The following WDR7 variants were observed in gnomAD, a reference collection of about 807,000 sequenced individuals.
WDR7 encodes WD repeat domain 7, also known as WD repeat-containing protein 7.
In WDR7, 46 loss-of-function variants were observed where a neutral mutation model predicts 169.4. The ratio of observed to expected loss-of-function variants is 0.27; its 90% confidence interval spans 0.21 to 0.35. The LOEUF (loss-of-function observed/expected upper bound fraction) is 0.35, where lower values mean the gene tolerates loss of function less well. Ranked by LOEUF, WDR7 falls within the 10% of genes least tolerant of loss-of-function variation. The pLI is 1.00. For missense variants in WDR7, 1,534 were observed against 1,859.3 expected (o/e 0.83, Z 3.22); for synonymous variants, 612 against 666.8 (o/e 0.92, Z 1.27).
intron 27 of WDR7, 94 bp from the exon 28 acceptor site, chr18:57,026,910 A>C (rs931985715): frequency 9.4e-6 from 12 of 1,273,436 alleles, no homozygotes; most frequent in Middle Eastern, 2.8e-4. Flanking sequence ...ACCATGATGG[A>C]GGGGAAAGTA....
chr18:56,931,468 A>AT (rs1007222170), intron 22 of WDR7, among the ~76,000 whole-genome samples: 23 of 151,448 alleles, frequency 1.5e-4, no homozygotes, highest in South Asian at 4.2e-4. Flanking sequence ...AGCTTAAATG[A>AT]TTTTTTTTTC....
intron 26 of WDR7, among the ~76,000 whole-genome samples, chr18:56,971,594 A>G (rs2047486954): frequency 6.6e-6 from 1 of 152,166 alleles, no homozygotes; most frequent in Non-Finnish European, 1.5e-5. Flanking sequence ...AAGCAAGAAG[A>G]GCACTACCCC....
intron 1 of WDR7, among the ~76,000 whole-genome samples, chr18:56,671,108 A>G (rs998981982): frequency 1.3e-5 from 2 of 152,182 alleles, no homozygotes; most frequent in Non-Finnish European, 2.9e-5. Flanking sequence ...TTAATCTATT[A>G]CTATCTCAAA....
intron 8 of WDR7, 95 bp from the exon 9 acceptor site, chr18:56,691,620 C>A: frequency 9.7e-7 from 1 of 1,029,392 alleles, no homozygotes; most frequent in Non-Finnish European, 1.3e-6. Context: ...TTAAAAATCC[C>A]CTTTTTGTCC....
intron 20 of WDR7, among the ~76,000 whole-genome samples, chr18:56,876,503 A>G (rs1307754264): frequency 2.0e-5 from 3 of 152,232 alleles, no homozygotes; most frequent in Non-Finnish European, 4.4e-5. Flanking sequence ...GGCTGAAACC[A>G]TTAGCTACTT....
intron 21 of WDR7, among the ~76,000 whole-genome samples, chr18:56,904,542 G>A (rs953394134): frequency 3.3e-4 from 50 of 152,234 alleles, no homozygotes; most frequent in African/African-American, 1.2e-3. Flanking sequence ...AGATACTCAT[G>A]ATTTTTTATG....
At chr18:56,751,486 G>A in intron 14 of WDR7, among the ~76,000 whole-genome samples, 1 of 152,190 alleles carries the variant, frequency 6.6e-6, no homozygotes, top group East Asian at 1.9e-4. Context: ...CAGAGAGGCA[G>A]CATCTGCCAA....
At chr18:56,902,070 C>T (rs115214713) in intron 21 of WDR7, among the ~76,000 whole-genome samples, 297 of 152,272 alleles carry the variant, frequency 2.0e-3, no homozygotes, top group African/African-American at 6.8e-3. Flanking sequence ...CTGACCATCA[C>T]ATCACAAAGC....
chr18:56,686,774 A>G (rs1484674384), intron 6 of WDR7, 81 bp from the exon 7 acceptor site: 16 of 1,218,720 alleles, frequency 1.3e-5, no homozygotes, highest in Non-Finnish European at 1.7e-5. Context: ...CCTTTATTTA[A>G]TTTTGTTGCC....
At chr18:56,686,164 A>T (rs527800885) in intron 6 of WDR7, 132 bp downstream of exon 6, 1 of 702,878 alleles carries the variant, frequency 1.4e-6, no homozygotes, top group South Asian at 2.2e-5. Context: ...ATTTTCTTAT[A>T]GGCATAGTAT....
At chr18:57,020,533 A>G (rs1233214461) in intron 26 of WDR7, among the ~76,000 whole-genome samples, 1 of 152,208 alleles carries the variant, frequency 6.6e-6, no homozygotes, top group Admixed American at 6.5e-5. Context: ...GCAGGTGGAC[A>G]CCTCAGAACA....
At chr18:56,701,584 C>T (rs977879472) in intron 12 of WDR7, among the ~76,000 whole-genome samples, 6 of 151,982 alleles carry the variant, frequency 3.9e-5, no homozygotes, top group Admixed American at 2.6e-4. Context: ...AATTTAAACT[C>T]GAGCTTTTTA....
intron 16 of WDR7, among the ~76,000 whole-genome samples, chr18:56,767,289 G>A (rs1035270627): frequency 1.3e-5 from 2 of 152,100 alleles, no homozygotes; most frequent in Non-Finnish European, 2.9e-5. Flanking sequence ...CTGTATACTT[G>A]AGGGAGATCC....
rs2044439100 is a variant in WDR7 at position 56,788,641 on chromosome 18, T to TCTAA, written c.3190+6985_3190+6986insCTAA. 1.1e-4 allele frequency among the ~76,000 whole-genome samples: 16 copies of TCTAA among 152,252 alleles called. 1 individual carries two copies. Among genetic ancestry groups the TCTAA allele is most frequent in the Middle Eastern group, 3.4e-3 (1 of 294 alleles). On this transcript the variant is annotated intron_variant, in intron 19 of 27. Transcript: ENST00000254442. ...CTCCTTTGTGGTATTCTGGATGTCTTTTCTTTTTGAGCAAGAGTATTCTAA... is the reference window on the plus strand; with the variant it reads ...CTCCTTTGTGGTATTCTGGATGTCTTCTAATTCTTTTTGAGCAAGAGTATTCTAA...
intron 19 of WDR7, among the ~76,000 whole-genome samples, chr18:56,809,269 T>A (rs2044828263): frequency 6.6e-6 from 1 of 152,152 alleles, no homozygotes; most frequent in African/African-American, 2.4e-5. Flanking sequence ...CCTTATTTCC[T>A]TATTATTCTT....
At chr18:56,848,405 A>G (rs1260230081) in intron 20 of WDR7, among the ~76,000 whole-genome samples, 1 of 152,186 alleles carries the variant, frequency 6.6e-6, no homozygotes, top group African/African-American at 2.4e-5. Context: ...TGAGTTTCAG[A>G]TCAGACTTTG....
chr18:56,910,541 C>T (rs1268980344), intron 21 of WDR7, among the ~76,000 whole-genome samples: 1 of 152,080 alleles, frequency 6.6e-6, no homozygotes, highest in Admixed American at 6.6e-5. Flanking sequence ...TGATTTTTCT[C>T]CAAGCATTTA....
At chr18:56,850,378 G>A (rs957210440) in intron 20 of WDR7, among the ~76,000 whole-genome samples, 6 of 152,202 alleles carry the variant, frequency 3.9e-5, no homozygotes, top group African/African-American at 1.4e-4. Context: ...AAACTGGTAG[G>A]TGTTCAATAA....
intron 12 of WDR7, among the ~76,000 whole-genome samples, chr18:56,698,157 T>C (rs2025744810): frequency 6.6e-6 from 1 of 151,862 alleles, no homozygotes; most frequent in Non-Finnish European, 1.5e-5. Context: ...ATCGTACCCT[T>C]GCACTCCAAC....
Sources: allele counts gnomAD v4.1 joint callset (sites outside exome capture counted in the v4.1 genomes callset), GRCh38; gene constraint gnomAD v4.1.1; transcripts MANE v1.5; gene names NCBI Gene and HGNC (gene_info 2026-07-23, HGNC 2026-07-21).